Variants in ANK3 observed in about 807,000 individuals in gnomAD.
ANK3 encodes the protein ankyrin 3, also known as ankyrin-3.
Under a neutral mutation model 370.9 loss-of-function variants are expected in ANK3, and 57 were observed. That is an observed-to-expected ratio of 0.15 (90% CI 0.12 to 0.19). The LOEUF is 0.19. Among genes scored for constraint, ANK3 ranks in the 10% least tolerant of loss-of-function variants. The pLI, the probability that ANK3 is intolerant of heterozygous loss-of-function variation, is 1.00. For synonymous variants in ANK3, 1,929 were observed against 1,946.3 expected (o/e 0.99, Z 0.23); for missense variants, 4,439 against 5,302.1 (o/e 0.84, Z 5.06).
chr10:60,673,045 TA>T (rs11329845), intron 1 of ANK3, among the ~76,000 whole-genome samples: 91,457 of 146,966 alleles, frequency 0.62, 28,326 homozygotes, highest in South Asian at 0.74. Context: ...TAAAATTTGG[TA>T]AAAAAAAAAA....
At chr10:60,502,780 GAAAGAAAGAAAAAAGA>G (rs1167289268) in intron 2 of ANK3, among the ~76,000 whole-genome samples, 9 of 131,412 alleles carry the variant, frequency 6.8e-5, no homozygotes, top group Admixed American at 4.7e-4. Flanking sequence ...AGAAAGAAAA[GAAAGAAAGAAAAAAGA>G]AAAGAAAGAA....
chr10:60,348,619 T>C (rs551348829), intron 1 of ANK3, among the ~76,000 whole-genome samples: 40 of 152,318 alleles, frequency 2.6e-4, no homozygotes, highest in African/African-American at 9.4e-4. Flanking sequence ...GAAAGATTCA[T>C]TATAGTGTCT....
At chr10:60,656,962 T>C (rs919872157) in intron 1 of ANK3, among the ~76,000 whole-genome samples, 8 of 152,048 alleles carry the variant, frequency 5.3e-5, no homozygotes, top group Non-Finnish European at 2.9e-5. Flanking sequence ...TTTTAAGAGA[T>C]GTATTAGTCC....
At chr10:60,171,429 ATT>A (rs1200198999) in intron 21 of ANK3, among the ~76,000 whole-genome samples, 1 of 152,188 alleles carries the variant, frequency 6.6e-6, no homozygotes, top group East Asian at 1.9e-4. Context: ...ATACAAACTA[ATT>A]TGCAGATGCT....
At chr10:60,666,373 A>G (rs2078995955) in intron 1 of ANK3, among the ~76,000 whole-genome samples, 1 of 152,140 alleles carries the variant, frequency 6.6e-6, no homozygotes, top group Admixed American at 6.5e-5. Context: ...CAGAAAGTAG[A>G]TGAGGTTGCC....
At chr10:60,659,308 C>T (rs1356880477) in intron 1 of ANK3, among the ~76,000 whole-genome samples, 1 of 152,212 alleles carries the variant, frequency 6.6e-6, no homozygotes, top group Non-Finnish European at 1.5e-5. Context: ...GCCAGAATGA[C>T]ACAACTCATC....
Position 60,073,848 on chromosome 10 carries a change from C to G in ANK3, c.7033G>C (p.Val2345Leu). The part of the protein sequence containing the change: ...EKGNQAEPTE[V>L]IIRETKKHPE... ...TGCTTTTTGGTTTCTCTAATAATGA[C>G]TTCAGTGGGCTCAGCTTGGTTACCT... Residue 2345 changes from valine (V) to leucine (L), a missense_variant, in exon 37 of 44, where the codon GTC (valine) becomes CTC (leucine). Val to Leu is a conservative substitution (Grantham distance 32). Transcript: ENST00000280772. 2 of 1,613,654 alleles carry G rather than the reference C, an allele frequency of 1.2e-6. No individual in the cohort carries two copies. Among genetic ancestry groups the G allele is most frequent in the Non-Finnish European group, 1.7e-6 (2 of 1,179,992 alleles).
chr10:60,560,002 C>G (rs575171366), intron 2 of ANK3, among the ~76,000 whole-genome samples: 33 of 152,068 alleles, frequency 2.2e-4, no homozygotes, highest in Admixed American at 7.9e-4. Context: ...AAAATCACGC[C>G]ACTGCACTCC....
intron 2 of ANK3, among the ~76,000 whole-genome samples, chr10:60,406,480 G>A (rs756238933): frequency 2.6e-5 from 4 of 152,158 alleles, no homozygotes; most frequent in Non-Finnish European, 4.4e-5. Flanking sequence ...AAGGGCAAGC[G>A]ATCTAGATCC....
chr10:60,122,656 G>A (rs10994212), intron 25 of ANK3, among the ~76,000 whole-genome samples: 42,954 of 152,066 alleles, frequency 0.28, 6,628 homozygotes, highest in East Asian at 0.65. Context: ...AAACATATAC[G>A]TCAAAGTCTG....
At position 60,105,923 on chromosome 10, in the gene ANK3, G is replaced by A; in HGVS notation, c.3310C>T (p.Leu1104Phe). Residue 1104 changes from leucine (L) to phenylalanine (F), a missense_variant, in exon 28 of 44, where the codon CTT (leucine) becomes TTT (phenylalanine). Leu to Phe is a conservative substitution (Grantham distance 22). Coordinates refer to ENST00000280772, the MANE Select transcript of ANK3 (RefSeq NM_020987.5). ...TTATTACCTTCATCCATGCCATTAA[G>A]TAACTCGGTTAAATCTTCATTTTTG... ...DSKNEDLTEL[L>F]NGMDEELDSP... The A allele has an allele frequency of 6.2e-7, 1 of 1,610,710 alleles. No homozygotes were observed. The highest frequency in any genetic ancestry group is 8.5e-7 in the Non-Finnish European group (1 of 1,178,688).
At chr10:60,347,813 G>T (rs1196978612) in intron 1 of ANK3, among the ~76,000 whole-genome samples, 1 of 152,130 alleles carries the variant, frequency 6.6e-6, no homozygotes, top group Non-Finnish European at 1.5e-5. Context: ...CACCCCCTGA[G>T]AATTTATCTT....
chr10:60,081,500 G>A (rs1363664303), intron 35 of ANK3: 2 of 443,208 alleles, frequency 4.5e-6, no homozygotes, highest in South Asian at 1.6e-5. Context: ...AACATTAGGA[G>A]ACAACTTAAT....
intron 28 of ANK3, among the ~76,000 whole-genome samples, chr10:60,091,187 T>A (rs1311625638): frequency 6.6e-6 from 1 of 152,264 alleles, no homozygotes; most frequent in Non-Finnish European, 1.5e-5. Context: ...ATTACAGGCA[T>A]GAGCCACAGC....
chr10:60,682,855 A>G (rs2079214807), intron 1 of ANK3, among the ~76,000 whole-genome samples: 3 of 152,228 alleles, frequency 2.0e-5, no homozygotes, highest in Admixed American at 2.0e-4. Context: ...AAACACAGGT[A>G]AATGTTTCCC....
chr10:60,272,453 T>TTTGTTGTTG (rs145292305), intron 4 of ANK3, among the ~76,000 whole-genome samples: 1 of 144,128 alleles, frequency 6.9e-6, no homozygotes, highest in South Asian at 2.4e-4. Context: ...TTAGAAGTTT[T>TTTGTTGTTG]TTGTTGTTGT....
In ANK3 at chr10:60,355,608, C is replaced by T. The variant is rs72824131; in HGVS notation, c.114+33817G>A. 4.8e-3 allele frequency among the ~76,000 whole-genome samples: 735 copies of T among 152,262 alleles called. 4 individuals are homozygous for T. Among genetic ancestry groups the T allele is most frequent in the Non-Finnish European group, 6.2e-3 (421 of 68,002 alleles). ...TGAGGAAAAAGACAAGCTGGCTGAA[C>T]AACCAAAGGCTCCCCCTTCTAACCT... On this transcript the variant is annotated intron_variant, in intron 1 of 43. Coordinates refer to ENST00000280772, the MANE Select transcript of ANK3 (RefSeq NM_020987.5).
intron 26 of ANK3, chr10:60,111,809 T>C (rs1399225158): frequency 6.6e-6 from 3 of 452,056 alleles, no homozygotes; most frequent in Admixed American, 2.4e-5. Flanking sequence ...ATTAATGTAA[T>C]ATAATTAGAA....
At chr10:60,030,403 A>T (rs2073186138) in intron 43 of ANK3, among the ~76,000 whole-genome samples, 1 of 152,104 alleles carries the variant, frequency 6.6e-6, no homozygotes, top group Admixed American at 6.5e-5. Flanking sequence ...TGGCCTCCCA[A>T]AGTGCTGGGA....
Sources: allele counts gnomAD v4.1 joint callset (sites outside exome capture counted in the v4.1 genomes callset), GRCh38; gene constraint gnomAD v4.1.1; transcripts MANE v1.5; gene names NCBI Gene and HGNC (gene_info 2026-07-23, HGNC 2026-07-21).